IL1RAPL2: variants seen among roughly 807,000 people sequenced by gnomAD.
The protein encoded by IL1RAPL2 is interleukin 1 receptor accessory protein like 2.
Under a neutral mutation model 44.1 loss-of-function variants are expected in IL1RAPL2, and 3 were observed. That is an observed-to-expected ratio of 0.07 (90% confidence interval 0.03 to 0.18). IL1RAPL2 has a LOEUF of 0.18. Ranked by LOEUF, IL1RAPL2 falls within the 10% of genes least tolerant of loss-of-function variation. The pLI, the probability that IL1RAPL2 is intolerant of heterozygous loss-of-function variation, is 1.00. For missense variants in IL1RAPL2, 391 were observed against 496.4 expected (o/e 0.79, Z 2.02); for synonymous variants, 181 against 178.8 (o/e 1.01, Z -0.10).
chrX:105,032,840 A>C (rs1198823615), intron 2 of IL1RAPL2, among the ~76,000 whole-genome samples: 1 of 111,084 alleles, frequency 9.0e-6, no homozygotes, highest in African/African-American at 3.3e-5. Context: ...AAAGTCTCCC[A>C]TTATTATTGT....
At chrX:104,607,082 C>T (rs1167138244) in intron 1 of IL1RAPL2, among the ~76,000 whole-genome samples, 1 of 111,621 alleles carries the variant, frequency 9.0e-6, no homozygotes, top group Non-Finnish European at 1.9e-5. Context: ...GGGAACAACA[C>T]CACACATCTA....
intron 5 of IL1RAPL2, among the ~76,000 whole-genome samples, chrX:105,342,558 G>A (rs1034317797): frequency 3.6e-5 from 4 of 111,577 alleles, no homozygotes; most frequent in Admixed American, 9.5e-5. Flanking sequence ...ATGGAAGATC[G>A]CTAGATAGCT....
chrX:105,254,868 G>A (rs1221229771), intron 4 of IL1RAPL2, among the ~76,000 whole-genome samples: 1 of 111,850 alleles, frequency 8.9e-6, no homozygotes, highest in Non-Finnish European at 1.9e-5. Context: ...GGTTATAGAT[G>A]TGTTGTCTTA....
intron 10 of IL1RAPL2, among the ~76,000 whole-genome samples, chrX:105,766,688 A>G (rs186083895): frequency 6.3e-5 from 7 of 111,667 alleles, no homozygotes; most frequent in Non-Finnish European, 9.4e-5. Context: ...ATGATTACAT[A>G]AATAAAAATC....
At chrX:104,753,831 C>CAT (rs1306597078) in intron 2 of IL1RAPL2, among the ~76,000 whole-genome samples, 1 of 111,512 alleles carries the variant, frequency 9.0e-6, no homozygotes. Context: ...ATTTCATATG[C>CAT]ATATATATGC....
In IL1RAPL2 at chrX:105,616,592, A is replaced by T. The variant is rs756639427; in HGVS notation, c.773-100775A>T. On this transcript the variant is annotated intron_variant, in intron 6 of 10. Coordinates refer to ENST00000372582, the MANE Select transcript of IL1RAPL2 (RefSeq NM_017416.2). ...ATCCCTATATCTTCTTTTGTAAAAT[A>T]TACATACAAGTCTTTTTTCCCATTT... Among the ~76,000 whole-genome samples the T allele has an allele frequency of 8.1e-5, 9 of 111,426 alleles. No homozygotes were observed. The South Asian group carries it at 1.9e-3, about 23-fold the overall frequency.
At chrX:104,811,482 G>A (rs1932978482) in intron 2 of IL1RAPL2, among the ~76,000 whole-genome samples, 1 of 110,884 alleles carries the variant, frequency 9.0e-6, no homozygotes, top group Non-Finnish European at 1.9e-5. Context: ...CTCTAAAATG[G>A]CAGCAGAATC....
chrX:104,642,873 A>G (rs1929961313), intron 1 of IL1RAPL2, among the ~76,000 whole-genome samples: 1 of 111,971 alleles, frequency 8.9e-6, no homozygotes, highest in Non-Finnish European at 1.9e-5. Flanking sequence ...ATGCTTCATC[A>G]TAGAGACACA....
intron 2 of IL1RAPL2, among the ~76,000 whole-genome samples, chrX:104,904,380 C>T (rs930458252): frequency 1.8e-4 from 19 of 107,084 alleles, no homozygotes; most frequent in Non-Finnish European, 2.7e-4. Flanking sequence ...TATACATGTG[C>T]CATGCTGGTG....
intron 5 of IL1RAPL2, among the ~76,000 whole-genome samples, chrX:105,449,138 T>C (rs1444513430): frequency 9.0e-6 from 1 of 111,316 alleles, no homozygotes; most frequent in Non-Finnish European, 1.9e-5. Flanking sequence ...GCAATGAAGA[T>C]TAAGTATTTA....
intron 2 of IL1RAPL2, among the ~76,000 whole-genome samples, chrX:104,691,233 AC>A (rs1931087137): frequency 8.9e-6 from 1 of 111,836 alleles, no homozygotes; most frequent in African/African-American, 3.2e-5. Flanking sequence ...GCCTCTTGTC[AC>A]GTCAGGGCCT....
chrX:104,840,558 G>C (rs1921873860), intron 2 of IL1RAPL2, among the ~76,000 whole-genome samples: 1 of 111,906 alleles, frequency 8.9e-6, no homozygotes, highest in Admixed American at 9.5e-5. Flanking sequence ...GGGGTGGACA[G>C]TTGTGTAGAT....
intron 6 of IL1RAPL2, among the ~76,000 whole-genome samples, chrX:105,488,368 G>A (rs1374864896): frequency 8.9e-6 from 1 of 111,961 alleles, no homozygotes; most frequent in Non-Finnish European, 1.9e-5. Flanking sequence ...TGGTGGGAGA[G>A]AGAGGTCAAC....
At chrX:105,723,625 A>G (rs755633284) in intron 7 of IL1RAPL2, among the ~76,000 whole-genome samples, 85 of 111,464 alleles carry the variant, frequency 7.6e-4, no homozygotes, top group South Asian at 6.1e-3. Flanking sequence ...GGGTAATTTA[A>G]AAACAACAAA....
At chrX:105,448,458 G>A (rs765189640) in intron 5 of IL1RAPL2, among the ~76,000 whole-genome samples, 29 of 108,456 alleles carry the variant, frequency 2.7e-4, no homozygotes, top group African/African-American at 9.5e-4. Context: ...TCCGCCTCCC[G>A]GGTTCAGGTG....
chrX:105,755,073 C>T, intron 9 of IL1RAPL2, 104 bp from the exon 10 acceptor site: 7 of 488,179 alleles, frequency 1.4e-5, no homozygotes, highest in Admixed American at 3.6e-5. Flanking sequence ...TATTTTTTTC[C>T]AATTATTAAA....
chrX:105,337,116 T>C (rs1253706865), intron 5 of IL1RAPL2, among the ~76,000 whole-genome samples: 1 of 112,093 alleles, frequency 8.9e-6, no homozygotes, highest in Non-Finnish European at 1.9e-5. Flanking sequence ...TACTCTCGAG[T>C]TCACCATGTT....
chrX:104,674,410 C>T lies in IL1RAPL2; in HGVS notation c.82+15415C>T, dbSNP rs373996228. Among the ~76,000 whole-genome samples the T allele has an allele frequency of 4.6e-4, 51 of 111,654 alleles. No homozygotes were observed. In the East Asian group the frequency reaches 7.0e-3, roughly 15 times the overall value. On this transcript the variant is annotated intron_variant, in intron 2 of 10. Transcript: ENST00000372582. The stretch of plus-strand genomic sequence containing the variant: ...ATATGCTAGATTATTTATTGATTTG[C>T]GTATATTGAACCAGCCTTGCATCCC...
chrX:104,907,461 C>A (rs780322165), intron 2 of IL1RAPL2, among the ~76,000 whole-genome samples: 419 of 110,948 alleles, frequency 3.8e-3, no homozygotes, highest in Non-Finnish European at 6.1e-3. Flanking sequence ...TTTCCCTCTA[C>A]ACACTGCCTT....
Sources: allele counts gnomAD v4.1 joint callset (sites outside exome capture counted in the v4.1 genomes callset), GRCh38; gene constraint gnomAD v4.1.1; transcripts MANE v1.5; gene names NCBI Gene and HGNC (gene_info 2026-07-23, HGNC 2026-07-21).